Variants in MAGI2 observed in about 807,000 individuals in gnomAD.
MAGI2 encodes membrane-associated guanylate kinase, WW and PDZ domain-containing protein 2.
Under a neutral mutation model 133.3 loss-of-function variants are expected in MAGI2, and 35 were observed. The ratio of observed to expected loss-of-function variants is 0.26; its 90% confidence interval spans 0.20 to 0.35. The LOEUF is 0.35. MAGI2 is among the 10% of genes least tolerant of loss of function. MAGI2 has a pLI of 1.00. For synonymous variants in MAGI2, 729 were observed against 710.6 expected (o/e 1.03, Z -0.41); for missense variants, 1,636 against 1,863.4 (o/e 0.88, Z 2.25).
rs146624750 is a variant in MAGI2, at chr7:78,371,777, G to A, written c.1046-2564C>T. Among the ~76,000 whole-genome samples, 599 of 152,052 alleles carry A rather than the reference G, an allele frequency of 3.9e-3. 4 individuals carry two copies. Among genetic ancestry groups the A allele is most frequent in the African/African-American group, 0.014 (575 of 41,522 alleles). On this transcript the variant is annotated intron_variant, in intron 6 of 21. Coordinates refer to ENST00000354212, the MANE Select transcript of MAGI2 (RefSeq NM_012301.4). ...AGATATCAACATGTTTTGTGTGTTC[G>A]TTTGGTTGTTTCAGATTTCCAAAGT...
At chr7:78,798,409 T>C (rs1208311061) in intron 2 of MAGI2, among the ~76,000 whole-genome samples, 1 of 152,114 alleles carries the variant, frequency 6.6e-6, no homozygotes, top group South Asian at 2.1e-4. Flanking sequence ...AAACAGAAAA[T>C]GAAATGGGTT....
At chr7:79,028,312 T>C (rs182499609) in intron 1 of MAGI2, among the ~76,000 whole-genome samples, 930 of 45,284 alleles carry the variant, frequency 0.021, 42 homozygotes, top group Admixed American at 0.13. Flanking sequence ...TATATATATA[T>C]ACACACATAT....
At chr7:78,377,760 C>G (rs1197684231) in intron 6 of MAGI2, among the ~76,000 whole-genome samples, 1 of 150,942 alleles carries the variant, frequency 6.6e-6, no homozygotes, top group African/African-American at 2.4e-5. Context: ...AGTAATCCAC[C>G]AAGTCCTTTA....
rs75134720 is a variant in MAGI2, at chr7:78,153,029, T to G, written c.2845+6996A>C. 4.6e-3 allele frequency among the ~76,000 whole-genome samples: 702 copies of G among 152,336 alleles called. 7 individuals are homozygous for G. The highest frequency in any genetic ancestry group is 0.016 in the African/African-American group (667 of 41,574). ...GAGACTCACTTTCTAATTCCTATGT[T>G]CAACAGTGTGGGTATTTCAGTAGCT... On this transcript the variant is annotated intron_variant, in intron 16 of 21. Transcript: ENST00000354212.
chr7:78,326,382 G>A (rs1211779869), intron 9 of MAGI2, among the ~76,000 whole-genome samples: 1 of 152,160 alleles, frequency 6.6e-6, no homozygotes, highest in Admixed American at 6.5e-5. Flanking sequence ...TCCTTGCTCT[G>A]CAGTCTGTAC....
At chr7:78,622,350 C>T (rs1207095671) in intron 3 of MAGI2, among the ~76,000 whole-genome samples, 1 of 151,962 alleles carries the variant, frequency 6.6e-6, no homozygotes, top group African/African-American at 2.4e-5. Context: ...ACCTAGAACT[C>T]TAAACAATAC....
chr7:79,216,876 A>T (rs1338314244), intron 1 of MAGI2, among the ~76,000 whole-genome samples: 4 of 152,178 alleles, frequency 2.6e-5, no homozygotes, highest in South Asian at 4.1e-4. Context: ...TCGCCAATAG[A>T]TAAACAATGG....
At chr7:78,980,977 T>G (rs1259814996) in intron 2 of MAGI2, among the ~76,000 whole-genome samples, 1 of 151,736 alleles carries the variant, frequency 6.6e-6, no homozygotes, top group African/African-American at 2.4e-5. Flanking sequence ...TTTCATAATC[T>G]TCTTGTCTTT....
intron 3 of MAGI2, among the ~76,000 whole-genome samples, chr7:78,559,514 TAAAG>T (rs1353113392): frequency 6.6e-6 from 1 of 152,132 alleles, no homozygotes; most frequent in Non-Finnish European, 1.5e-5. Context: ...TTAATGAGTA[TAAAG>T]AATTATCAAA....
At chr7:78,419,529 G>C (rs1798605181) in intron 6 of MAGI2, among the ~76,000 whole-genome samples, 1 of 151,370 alleles carries the variant, frequency 6.6e-6, no homozygotes, top group Non-Finnish European at 1.5e-5. Context: ...AATGAGTTAA[G>C]AAGAGAAGCT....
intron 1 of MAGI2, among the ~76,000 whole-genome samples, chr7:79,012,857 A>T (rs1165796315): frequency 1.3e-5 from 2 of 152,118 alleles, no homozygotes; most frequent in Non-Finnish European, 2.9e-5. Context: ...GGTGCCTGGT[A>T]AGGGCACTCT....
chr7:79,086,423 A>G (rs1226969131), intron 1 of MAGI2, among the ~76,000 whole-genome samples: 1 of 151,940 alleles, frequency 6.6e-6, no homozygotes, highest in African/African-American at 2.4e-5. Flanking sequence ...CAGATCTCAG[A>G]AAACAGATAT....
At chr7:79,447,746 T>C (rs1231995063) in intron 1 of MAGI2, among the ~76,000 whole-genome samples, 1 of 151,942 alleles carries the variant, frequency 6.6e-6, no homozygotes, top group Non-Finnish European at 1.5e-5. Flanking sequence ...TATAAAATAG[T>C]ATAGTATAAA....
At chr7:79,005,292 G>C (rs1028327422) in intron 2 of MAGI2, among the ~76,000 whole-genome samples, 3 of 152,078 alleles carry the variant, frequency 2.0e-5, no homozygotes, top group Admixed American at 2.0e-4. Flanking sequence ...TTGTTTCATC[G>C]TGATATTCAA....
intron 6 of MAGI2, among the ~76,000 whole-genome samples, chr7:78,406,979 A>C (rs561867721): frequency 6.6e-6 from 1 of 152,234 alleles, no homozygotes; most frequent in East Asian, 1.9e-4. Context: ...GACATGCAGC[A>C]CAAAAAAAGC....
At chr7:78,911,288 T>C (rs1798379442) in intron 2 of MAGI2, among the ~76,000 whole-genome samples, 1 of 152,194 alleles carries the variant, frequency 6.6e-6, no homozygotes, top group Non-Finnish European at 1.5e-5. Context: ...ATTGATTGAT[T>C]AACCAACTGT....
At chr7:79,416,343 G>A (rs1846509031) in intron 1 of MAGI2, among the ~76,000 whole-genome samples, 1 of 152,016 alleles carries the variant, frequency 6.6e-6, no homozygotes, top group Non-Finnish European at 1.5e-5. Flanking sequence ...AGGAAGGAGG[G>A]AGAGAAGGTA....
At chr7:79,282,902 A>G (rs1211772394) in intron 1 of MAGI2, among the ~76,000 whole-genome samples, 3 of 99,414 alleles carry the variant, frequency 3.0e-5, no homozygotes, top group Non-Finnish European at 7.9e-5. Context: ...ATTTTTTGAT[A>G]TATAACACTT....
chr7:79,277,422 A>G (rs1304103681), intron 1 of MAGI2, among the ~76,000 whole-genome samples: 3 of 152,140 alleles, frequency 2.0e-5, no homozygotes, highest in Non-Finnish European at 4.4e-5. Flanking sequence ...GAAACAAAAC[A>G]AACTGTGATT....
Sources: allele counts gnomAD v4.1 joint callset (sites outside exome capture counted in the v4.1 genomes callset), GRCh38; gene constraint gnomAD v4.1.1; transcripts MANE v1.5; gene names NCBI Gene and HGNC (gene_info 2026-07-23, HGNC 2026-07-21).